Variants in PRKCA observed in about 807,000 individuals in gnomAD.
PRKCA encodes the protein protein kinase C alpha.
A neutral mutation model predicts 87.0 loss-of-function variants in PRKCA; 27 were observed. The ratio of observed to expected loss-of-function variants is 0.31; its 90% CI spans 0.23 to 0.43. The LOEUF (loss-of-function observed/expected upper bound fraction) is 0.43. PRKCA is among the 20% of genes least tolerant of loss of function. The pLI is 1.00. For synonymous variants in PRKCA, 329 were observed against 311.1 expected (o/e 1.06, Z -0.61); for missense variants, 518 against 852.3 (o/e 0.61, Z 4.88).
chr17:66,691,095 C>T (rs533205752), intron 8 of PRKCA, among the ~76,000 whole-genome samples: 47 of 148,324 alleles, frequency 3.2e-4, no homozygotes, highest in Middle Eastern at 4.0e-3. Flanking sequence ...GAGCCAAGAT[C>T]ACGCCAGTGC....
intron 10 of PRKCA, among the ~76,000 whole-genome samples, chr17:66,736,857 C>T (rs1328850557): frequency 6.6e-6 from 1 of 152,186 alleles, no homozygotes; most frequent in Non-Finnish European, 1.5e-5. Context: ...GTGTACCTGT[C>T]ATCTACAGCT....
At chr17:66,371,599 T>G (rs1909108458) in intron 2 of PRKCA, among the ~76,000 whole-genome samples, 1 of 152,158 alleles carries the variant, frequency 6.6e-6, no homozygotes, top group Non-Finnish European at 1.5e-5. Flanking sequence ...AATAACAGCA[T>G]AAGAGCACTA....
At chr17:66,419,458 G>T (rs756789435) in intron 2 of PRKCA, among the ~76,000 whole-genome samples, 1 of 151,974 alleles carries the variant, frequency 6.6e-6, no homozygotes, top group Non-Finnish European at 1.5e-5. Flanking sequence ...AATATAATTT[G>T]GTCACCAAAA....
At chr17:66,579,012 G>A (rs1206682053) in intron 3 of PRKCA, among the ~76,000 whole-genome samples, 1 of 152,214 alleles carries the variant, frequency 6.6e-6, no homozygotes, top group Non-Finnish European at 1.5e-5. Context: ...CTTCTGTGCA[G>A]GCTGTGGCCT....
intron 2 of PRKCA, among the ~76,000 whole-genome samples, chr17:66,429,835 T>A (rs1567824661): frequency 6.6e-6 from 1 of 152,190 alleles, no homozygotes. Flanking sequence ...ATAGGAATGC[T>A]GGGAGTGGTG....
intron 2 of PRKCA, among the ~76,000 whole-genome samples, chr17:66,456,942 G>T (rs71379975): frequency 6.6e-6 from 1 of 152,180 alleles, no homozygotes; most frequent in Non-Finnish European, 1.5e-5. Context: ...GTATGCCTTA[G>T]GCCAGTGGCT....
At chr17:66,361,259 T>C (rs1456624152) in intron 2 of PRKCA, among the ~76,000 whole-genome samples, 1 of 152,104 alleles carries the variant, frequency 6.6e-6, no homozygotes, top group Non-Finnish European at 1.5e-5. Flanking sequence ...ACACTGCACG[T>C]ACCAGATCAG....
At chr17:66,720,255 G>A (rs1448430344) in intron 8 of PRKCA, among the ~76,000 whole-genome samples, 1 of 152,180 alleles carries the variant, frequency 6.6e-6, no homozygotes, top group African/African-American at 2.4e-5. Context: ...CAGAGGAAGT[G>A]CCCAACTGCA....
intron 15 of PRKCA, chr17:66,787,199 C>A (rs745616072): frequency 6.9e-6 from 5 of 728,030 alleles, no homozygotes; most frequent in Non-Finnish European, 1.3e-5. Context: ...ACAAACCGAA[C>A]CTTGTAGTGT....
chr17:66,777,773 AG>A, intron 14 of PRKCA: 1 of 985,398 alleles, frequency 1.0e-6, no homozygotes. Context: ...AAACGAAGCC[AG>A]GATCTGTTTC....
At chr17:66,552,478 G>A (rs982932776) in intron 3 of PRKCA, among the ~76,000 whole-genome samples, 3 of 152,166 alleles carry the variant, frequency 2.0e-5, no homozygotes, top group African/African-American at 7.2e-5. Flanking sequence ...TCTGAGGCTC[G>A]ACTGGGGAAG....
At chr17:66,798,413 A>ATGGTGGTGGTGGTGGTGATGG (rs1975729752) in intron 16 of PRKCA, among the ~76,000 whole-genome samples, 1 of 51,766 alleles carries the variant, frequency 1.9e-5, no homozygotes, top group Non-Finnish European at 3.7e-5. Flanking sequence ...GGTGATGGTG[A>ATGGTGGTGGTGGTGGTGATGG]TGGTGGTGGT....
intron 8 of PRKCA, among the ~76,000 whole-genome samples, chr17:66,724,547 G>A (rs369165500): frequency 2.0e-5 from 3 of 152,312 alleles, no homozygotes; most frequent in African/African-American, 7.2e-5. Context: ...CTTGAGGTCA[G>A]CAGCCCAGTG....
intron 3 of PRKCA, among the ~76,000 whole-genome samples, chr17:66,514,727 A>G (rs1488777479): frequency 6.6e-6 from 1 of 152,062 alleles, no homozygotes; most frequent in African/African-American, 2.4e-5. Context: ...GCAGGAGGTG[A>G]GCCAAAGGTG....
chr17:66,631,991 T>C (rs1044155829), intron 3 of PRKCA, among the ~76,000 whole-genome samples: 2 of 152,166 alleles, frequency 1.3e-5, no homozygotes, highest in Non-Finnish European at 2.9e-5. Context: ...TGGTGGCTTG[T>C]GGTGTTAAAT....
chr17:66,705,102 A>G (rs1363335029), intron 8 of PRKCA, among the ~76,000 whole-genome samples: 1 of 152,156 alleles, frequency 6.6e-6, no homozygotes, highest in Non-Finnish European at 1.5e-5. Flanking sequence ...ATGTGCCCCA[A>G]TATGCTCTCT....
chr17:66,355,164 AT>A (rs199579441), intron 2 of PRKCA, among the ~76,000 whole-genome samples: 3 of 151,732 alleles, frequency 2.0e-5, no homozygotes, highest in South Asian at 2.1e-4. Flanking sequence ...CATTGAACAC[AT>A]TTTTTTTTCT....
intron 3 of PRKCA, among the ~76,000 whole-genome samples, chr17:66,557,576 A>G (rs1313063061): frequency 1.3e-5 from 2 of 152,188 alleles, no homozygotes; most frequent in Non-Finnish European, 2.9e-5. Flanking sequence ...TCTCTCATGT[A>G]ATAGGTACCA....
Position 66,425,105 on chromosome 17 carries a change from A to T in PRKCA, c.206-71096A>T, listed in dbSNP as rs73333335. On this transcript the variant is annotated intron_variant, in intron 2 of 16. Coordinates refer to ENST00000413366, the MANE Select transcript of PRKCA (RefSeq NM_002737.3). ...AGAAGAGTCTAGTAAAGTCTGGCTC[A>T]TATTTGAACATTCAAGAAATAGTCG... Among the ~76,000 whole-genome samples, 400 of 152,260 alleles carry T rather than the reference A, an allele frequency of 2.6e-3. 3 individuals are homozygous for T. The highest frequency in any genetic ancestry group is 9.1e-3 in the African/African-American group (377 of 41,566).
Sources: gnomAD v4.1 joint callset for allele counts (sites outside exome capture counted in the v4.1 genomes callset) on GRCh38, gnomAD v4.1.1 for gene constraint, MANE v1.5 for transcripts, NCBI Gene and HGNC (gene_info 2026-07-23, HGNC 2026-07-21) for gene names.